The following FBXW8 variants were observed in gnomAD, a reference collection of about 807,000 sequenced individuals.
FBXW8 encodes F-box and WD repeat domain containing 8, also known as F-box/WD repeat-containing protein 8.
Under a neutral mutation model 65.3 loss-of-function variants are expected in FBXW8, and 57 were observed. The ratio of observed to expected loss-of-function variants is 0.87; its 90% CI spans 0.71 to 1.09. FBXW8 has a LOEUF of 1.09. Ranked by LOEUF, FBXW8 falls within the 50% of genes least tolerant of loss-of-function variation. The pLI, the probability that FBXW8 is intolerant of heterozygous loss-of-function variation, is 0.00. For synonymous variants in FBXW8, 308 were observed against 330.2 expected (o/e 0.93, Z 0.73); for missense variants, 777 against 814.8 (o/e 0.95, Z 0.57).
intron 2 of FBXW8, among the ~76,000 whole-genome samples, chr12:116,931,149 C>T (rs892831674): frequency 5.3e-5 from 8 of 152,150 alleles, no homozygotes; most frequent in Non-Finnish European, 1.2e-4. Context: ...CTTTTTTCCC[C>T]ATTGTGTGTT....
intron 6 of FBXW8, 87 bp from the exon 7 acceptor site, chr12:116,988,576 C>A: frequency 8.5e-7 from 1 of 1,178,214 alleles, no homozygotes; most frequent in Non-Finnish European, 1.3e-6. Context: ...GGTTGCTGGT[C>A]TTCTCATTGA....
intron 1 of FBXW8, among the ~76,000 whole-genome samples, chr12:116,913,755 ATGT>A (rs1880186402): frequency 6.6e-6 from 1 of 152,162 alleles, no homozygotes; most frequent in Non-Finnish European, 1.5e-5. Context: ...GTTCAAACCC[ATGT>A]TGTTCAAGGG....
At chr12:116,984,103 T>G (rs1885505289) in intron 5 of FBXW8, among the ~76,000 whole-genome samples, 1 of 152,248 alleles carries the variant, frequency 6.6e-6, no homozygotes, top group Non-Finnish European at 1.5e-5. Flanking sequence ...AATCATTTTC[T>G]TGGGTAAATC....
chr12:116,946,985 G>A (rs1882974934), intron 3 of FBXW8, among the ~76,000 whole-genome samples: 1 of 152,046 alleles, frequency 6.6e-6, no homozygotes, highest in Non-Finnish European at 1.5e-5. Flanking sequence ...GCATCCCCAG[G>A]CTTGAATTCG....
intron 1 of FBXW8, among the ~76,000 whole-genome samples, chr12:116,921,370 T>C (rs570108634): frequency 1.2e-4 from 18 of 152,348 alleles, no homozygotes; most frequent in African/African-American, 4.3e-4. Flanking sequence ...GACGAATTGT[T>C]TTTTTGTGGA....
chr12:117,020,725 G>A (rs1954073925), intron 8 of FBXW8, among the ~76,000 whole-genome samples: 1 of 152,154 alleles, frequency 6.6e-6, no homozygotes, highest in Non-Finnish European at 1.5e-5. Flanking sequence ...TGAAACCACG[G>A]AGCTGAGCCT....
At chr12:116,926,068 A>G (rs1044162701) in intron 1 of FBXW8, among the ~76,000 whole-genome samples, 1 of 152,238 alleles carries the variant, frequency 6.6e-6, no homozygotes, top group Non-Finnish European at 1.5e-5. Flanking sequence ...GGCAAAAGAC[A>G]GAAGGCTCCT....
At chr12:116,964,924 C>T (rs1436521879) in intron 5 of FBXW8, 70 bp downstream of exon 5, 41 of 1,484,208 alleles carry the variant, frequency 2.8e-5, no homozygotes, top group Middle Eastern at 5.1e-4. Flanking sequence ...CAGCTGTGGC[C>T]GGCTCCCCCC....
intron 5 of FBXW8, among the ~76,000 whole-genome samples, chr12:116,967,886 C>G (rs1197134124): frequency 6.6e-6 from 1 of 152,148 alleles, no homozygotes; most frequent in Non-Finnish European, 1.5e-5. Context: ...CCTGCCTCAG[C>G]CTCCTGAGTA....
chr12:116,992,232 G>A (rs576804269), intron 7 of FBXW8, among the ~76,000 whole-genome samples: 1 of 152,262 alleles, frequency 6.6e-6, no homozygotes, highest in East Asian at 1.9e-4. Flanking sequence ...GCTCGGGTAG[G>A]AAGGGATCAG....
At chr12:116,954,771 T>G (rs1883524541) in intron 4 of FBXW8, among the ~76,000 whole-genome samples, 1 of 152,176 alleles carries the variant, frequency 6.6e-6, no homozygotes, top group African/African-American at 2.4e-5. Flanking sequence ...TCAGCTTCTT[T>G]GCAATCTAAC....
chr12:117,000,304 C>T (rs2135695233), intron 7 of FBXW8, among the ~76,000 whole-genome samples: 1 of 152,352 alleles, frequency 6.6e-6, no homozygotes, highest in East Asian at 1.9e-4. Context: ...ACCGGCACCG[C>T]CCAGCACTAT....
intron 7 of FBXW8, among the ~76,000 whole-genome samples, chr12:116,996,438 G>A (rs1251326588): frequency 6.6e-6 from 1 of 151,906 alleles, no homozygotes; most frequent in Non-Finnish European, 1.5e-5. Context: ...CATAGATTGT[G>A]GCCACATTCT....
At chr12:116,912,826 T>C (rs939853088) in intron 1 of FBXW8, among the ~76,000 whole-genome samples, 2 of 152,334 alleles carry the variant, frequency 1.3e-5, no homozygotes, top group African/African-American at 4.8e-5. Flanking sequence ...TTATGTAATA[T>C]GTAGTTTACT....
chr12:117,011,127 CTTTTT>C (rs397946872), intron 8 of FBXW8, among the ~76,000 whole-genome samples: 2 of 122,176 alleles, frequency 1.6e-5, no homozygotes, highest in African/African-American at 3.6e-5. Flanking sequence ...TTTTCTTTTC[CTTTTT>C]TTTTTTTTTT....
intron 8 of FBXW8, among the ~76,000 whole-genome samples, chr12:117,020,754 C>T (rs1954074548): frequency 6.6e-6 from 1 of 152,180 alleles, no homozygotes; most frequent in Non-Finnish European, 1.5e-5. Flanking sequence ...CCAGCAGCCT[C>T]CCCTCCCCTG....
chr12:116,958,557 AC>A (rs755287769), intron 4 of FBXW8, among the ~76,000 whole-genome samples: 3 of 151,842 alleles, frequency 2.0e-5, no homozygotes, highest in Non-Finnish European at 4.4e-5. Context: ...ACCACACACA[AC>A]CCCCCTGGTC....
intron 7 of FBXW8, among the ~76,000 whole-genome samples, chr12:117,006,762 G>C (rs557102436): frequency 6.6e-6 from 1 of 152,212 alleles, no homozygotes; most frequent in Non-Finnish European, 1.5e-5. Flanking sequence ...GTCACCCAGC[G>C]TCCCTGCACG....
At chr12:117,003,955 CCCT>C (rs1377655982) in intron 7 of FBXW8, among the ~76,000 whole-genome samples, 2 of 152,094 alleles carry the variant, frequency 1.3e-5, no homozygotes, top group African/African-American at 4.8e-5. Flanking sequence ...TCTTGTGTGT[CCCT>C]CCTTTCAGTT....
Sources: gnomAD v4.1 joint callset for allele counts (sites outside exome capture counted in the v4.1 genomes callset) on GRCh38, gnomAD v4.1.1 for gene constraint, MANE v1.5 for transcripts, NCBI Gene and HGNC (gene_info 2026-07-23, HGNC 2026-07-21) for gene names.